Variants in PXN observed in about 807,000 individuals in gnomAD.
The protein encoded by PXN is paxillin.
A neutral mutation model predicts 103.6 loss-of-function variants in PXN; 61 were observed. The ratio of observed to expected loss-of-function variants is 0.59; its 90% CI spans 0.48 to 0.73. The LOEUF (loss-of-function observed/expected upper bound fraction) is 0.73. Among genes scored for constraint, PXN ranks in the 30% least tolerant of loss-of-function variants. The pLI, the probability that PXN is intolerant of heterozygous loss-of-function variation, is 0.00. For synonymous variants in PXN, 562 were observed against 607.8 expected (o/e 0.92, Z 1.11); for missense variants, 1,274 against 1,460.3 (o/e 0.87, Z 2.08).
At chr12:120,238,371 G>A (rs1466289635) in intron 1 of PXN, among the ~76,000 whole-genome samples, 1 of 152,168 alleles carries the variant, frequency 6.6e-6, no homozygotes, top group African/African-American at 2.4e-5. Flanking sequence ...AAACTGAACG[G>A]AGGTGCCTGT....
rs1237765535 is a variant in PXN at position 120,265,442 on chromosome 12, A to C, written c.13+175T>G. On this transcript the variant is annotated intron_variant, in intron 1 of 14. Transcript: ENST00000637617. This position sits in a 1 kb window ranked among gnomAD's most constrained non-coding sequence, Gnocchi z 5.7. Reference sequence around the variant, plus strand: ...TCGGTGCCGGGGCCGGCCTGGCCCGAGACTAAGGCCCGGTTAGGGATCCCA... The same window carrying C: ...TCGGTGCCGGGGCCGGCCTGGCCCGCGACTAAGGCCCGGTTAGGGATCCCA... 6.6e-6 allele frequency among the ~76,000 whole-genome samples: 1 copy of C among 151,688 alleles called. No individual in the cohort carries two copies. The highest frequency in any genetic ancestry group is 2.1e-4 in the South Asian group (1 of 4,822).
Position 120,220,243 on chromosome 12 carries a change from C to T in PXN, c.832-152G>A, listed in dbSNP as rs1884707578. 6.6e-6 allele frequency among the ~76,000 whole-genome samples: 1 copy of T among 152,126 alleles called. No individual in the cohort carries two copies. The highest frequency in any genetic ancestry group is 6.5e-5 in the Admixed American group (1 of 15,280). On this transcript the variant is annotated intron_variant, in intron 6 of 14. Coordinates refer to ENST00000637617, the MANE Select transcript of PXN (RefSeq NM_001385981.1). This position sits in a 1 kb window ranked among gnomAD's most constrained non-coding sequence, Gnocchi z 6.1. ...GACTGACCCTTGAAGGAGACCCAGA[C>T]CCCAAAAAAGCTTCCCTGGGCTTTG...
Position 120,215,710 on chromosome 12 carries a change from GA to G in PXN, c.2302-50del, listed in dbSNP as rs2136203535. ...GTAAGAAATCTTTTTTAAAAATTAA[GA>G]AAGAATACAAGACCTTGTCACTGGA... On this transcript the variant is annotated intron_variant, in intron 9 of 14. Transcript: ENST00000637617. The surrounding 1 kb of genome is among the most constrained non-coding windows in gnomAD (Gnocchi z 4.9). 2 of 1,544,602 alleles carry G rather than the reference GA, an allele frequency of 1.3e-6. No individual in the cohort carries two copies. The highest frequency in any genetic ancestry group is 2.3e-5 in the East Asian group (1 of 43,758).
rs141268319 is a variant in PXN at position 120,211,777 on chromosome 12, G to A, written c.*537C>T. 1.7e-3 allele frequency: 653 copies of A among 392,168 alleles called. 4 individuals carry two copies. The highest frequency in any genetic ancestry group is 0.012 in the African/African-American group (582 of 48,018). 24.3% of individuals were successfully genotyped at this position (392,168 alleles called of 1,614,324 possible). A position where few individuals can be genotyped will look rare whatever the true frequency, so the allele number is the denominator to read the frequency against. ...GCCTAGGGCACTGGAAGGGTAGGAG[G>A]AGCACAGAGAACCTTCCATGGCCCC... On this transcript the variant is annotated 3_prime_UTR_variant, in exon 15 of 15. Transcript: ENST00000637617.
chr12:120,215,319 A>G lies in PXN; in HGVS notation c.2404-46T>C, dbSNP rs749593270. The G allele has an allele frequency of 3.9e-6, 6 of 1,550,004 alleles. No homozygotes were observed. The highest frequency in any genetic ancestry group is 4.3e-6 in the Non-Finnish European group (5 of 1,151,646). On this transcript the variant is annotated intron_variant, in intron 10 of 14. Coordinates refer to ENST00000637617, the MANE Select transcript of PXN (RefSeq NM_001385981.1). This position sits in a 1 kb window ranked among gnomAD's most constrained non-coding sequence, Gnocchi z 4.9. ...GGTCAGGACTCCTGAGGCTCGGGGT[A>G]CGGTGTCTGGCAGCACAGGGATGGG... is the stretch of plus-strand genomic sequence containing the variant.
Position 120,224,540 on chromosome 12 carries a change from C to CAGCCTAACCAAG in PXN, c.14-175_14-164dup, listed in dbSNP as rs1886271251. 1 of 728,356 alleles carries CAGCCTAACCAAG rather than the reference C, an allele frequency of 1.4e-6. No homozygotes were observed. The highest frequency in any genetic ancestry group is 2.5e-6 in the Non-Finnish European group (1 of 401,260). The allele number at this position is 728,356 out of a possible 1,614,324, so 45.1% of individuals were successfully genotyped here. A position where few individuals can be genotyped will look rare whatever the true frequency, so the allele number is the denominator to read the frequency against. On this transcript the variant is annotated intron_variant, in intron 1 of 14. Transcript: ENST00000637617. This position sits in a 1 kb window ranked among gnomAD's most constrained non-coding sequence, Gnocchi z 5.0. ...GGGACAGGAAGCCACCAGCCCCGAC[C>CAGCCTAACCAAG]AGCCTAACCAAGAGCCGGCTCCCAA...
At chr12:120,250,557 T>C (rs957600401) in intron 1 of PXN, among the ~76,000 whole-genome samples, 11 of 152,256 alleles carry the variant, frequency 7.2e-5, no homozygotes, top group African/African-American at 2.4e-4. Flanking sequence ...CTCTCACTAA[T>C]ATTAGTGTTA....
chr12:120,237,653 C>A (rs1889349321), intron 1 of PXN, among the ~76,000 whole-genome samples: 1 of 152,114 alleles, frequency 6.6e-6, no homozygotes. Context: ...AGAGTGCTCC[C>A]CGAGCTGACC....
Position 120,216,482 on chromosome 12 carries a change from C to CCG in PXN, c.2090_2091dup (p.Ala698ArgfsTer54). On this transcript the variant is annotated frameshift_variant, in exon 9 of 15. Transcript: ENST00000637617. LOFTEE classifies it high-confidence loss of function. This position sits in a 1 kb window ranked among gnomAD's most constrained non-coding sequence, Gnocchi z 5.1. ...CTGGGCAGGGGAGAAGAGCTGCTGGCCGCGGCGTCTGTGCGATGCTGGAGC... is the reference window on the plus strand; with the variant it reads ...CTGGGCAGGGGAGAAGAGCTGCTGGCCGCGCGGCGTCTGTGCGATGCTGGAGC... The CCG allele has an allele frequency of 7.2e-7, 1 of 1,385,176 alleles. No individual in the cohort carries two copies. The highest frequency in any genetic ancestry group is 9.3e-7 in the Non-Finnish European group (1 of 1,079,028). 85.8% of individuals were successfully genotyped at this position (1,385,176 alleles called of 1,614,324 possible).
At chr12:120,232,394 G>A (rs1414667758) in intron 1 of PXN, among the ~76,000 whole-genome samples, 1 of 152,120 alleles carries the variant, frequency 6.6e-6, no homozygotes, top group Non-Finnish European at 1.5e-5. Context: ...TCCTCCAGAG[G>A]TCCCAGAACA....
chr12:120,242,859 C>A (rs529540481), intron 1 of PXN, among the ~76,000 whole-genome samples: 1 of 148,624 alleles, frequency 6.7e-6, no homozygotes, highest in African/African-American at 2.5e-5. Flanking sequence ...CCAGCCTGAG[C>A]GACAGAGCGA....
intron 1 of PXN, among the ~76,000 whole-genome samples, chr12:120,236,476 CTT>C (rs1051367345): frequency 4.6e-4 from 60 of 130,644 alleles, no homozygotes; most frequent in South Asian, 2.0e-3. Flanking sequence ...CCCAGATGAT[CTT>C]TTTTTTTTTT....
intron 1 of PXN, among the ~76,000 whole-genome samples, chr12:120,239,844 C>A (rs890814948): frequency 4.6e-5 from 7 of 152,000 alleles, no homozygotes; most frequent in Admixed American, 2.0e-4. Context: ...GGATTTCTGG[C>A]TTCCCAGGAA....
intron 1 of PXN, among the ~76,000 whole-genome samples, chr12:120,258,431 T>C (rs1164922129): frequency 6.6e-6 from 1 of 152,130 alleles, no homozygotes; most frequent in African/African-American, 2.4e-5. Context: ...CAGCAGTCAC[T>C]GTCACCTGAG....
At chr12:120,245,441 A>C (rs115877289) in intron 1 of PXN, among the ~76,000 whole-genome samples, 1,804 of 152,110 alleles carry the variant, frequency 0.012, 22 homozygotes, top group African/African-American at 0.026. Flanking sequence ...GAAGAAAAAA[A>C]AAAACAAAAC....
chr12:120,251,047 T>C (rs1260239021), intron 1 of PXN, among the ~76,000 whole-genome samples: 1 of 151,288 alleles, frequency 6.6e-6, no homozygotes. Context: ...CTACTAAAAA[T>C]ACAAAAAATT....
chr12:120,233,968 A>G (rs79880876), intron 1 of PXN, among the ~76,000 whole-genome samples: 123 of 152,338 alleles, frequency 8.1e-4, no homozygotes, highest in East Asian at 1.5e-3. Flanking sequence ...GGGTACAGGA[A>G]GCCACCTCAG....
intron 1 of PXN, among the ~76,000 whole-genome samples, chr12:120,232,483 C>A (rs763977700): frequency 2.6e-5 from 4 of 152,202 alleles, no homozygotes; most frequent in Non-Finnish European, 5.9e-5. Context: ...CAGGTCAAGT[C>A]CAGGGCCCCA....
chr12:120,233,600 C>T (rs970654325), intron 1 of PXN, among the ~76,000 whole-genome samples: 1 of 152,164 alleles, frequency 6.6e-6, no homozygotes, highest in Non-Finnish European at 1.5e-5. Context: ...GCCACTGTGC[C>T]CGGCCCTCAC....
Sources: gnomAD v4.1 joint callset for allele counts (sites outside exome capture counted in the v4.1 genomes callset) on GRCh38, gnomAD v4.1.1 for gene constraint, Gnocchi (gnomAD v3.1) non-coding constraint, MANE v1.5 for transcripts, NCBI Gene and HGNC (gene_info 2026-07-23, HGNC 2026-07-21) for gene names.